The following CEP89 variants were observed in gnomAD, a reference collection of about 807,000 sequenced individuals.
CEP89 encodes centrosomal protein 89, also known as centrosomal protein of 89 kDa.
In CEP89, 95 loss-of-function variants were observed where a neutral mutation model predicts 97.6. The observed-to-expected ratio is 0.97, with a 90% CI of 0.82 to 1.15. The LOEUF is 1.15. CEP89 is among the 50% of genes most tolerant of loss of function. The pLI is 0.00. For synonymous variants in CEP89, 354 were observed against 349.1 expected (o/e 1.01, Z -0.16); for missense variants, 869 against 947.7 (o/e 0.92, Z 1.09).
rs773463230 is a variant in CEP89, at chr19:32,926,953, C to A, written c.1061G>T (p.Gly354Val). The change falls in exon 10 of 19, where the codon GGC (glycine) becomes GTC (valine). Residue 354 changes from glycine (G) to valine (V), a missense_variant. Gly to Val is a moderately radical substitution (Grantham distance 109, BLOSUM62 -3). Coordinates refer to ENST00000305768, the MANE Select transcript of CEP89 (RefSeq NM_032816.5). ...SLNIEGLPSK[G>V]PIPPWLLDIK... ...ACTTACCAACCAGGGTGGTATAGGG[C>A]CCTTGGATGGGAGGCCTTCAATATT... 2.0e-5 allele frequency: 33 copies of A among 1,613,658 alleles called. No individual in the cohort carries two copies. The highest frequency in any genetic ancestry group is 1.6e-4 in the Middle Eastern group (1 of 6,082).
At chr19:32,928,272 G>A (rs1970403741) in intron 9 of CEP89, among the ~76,000 whole-genome samples, 1 of 152,020 alleles carries the variant, frequency 6.6e-6, no homozygotes, top group South Asian at 2.1e-4. Context: ...GTTTTCACTG[G>A]ATATGGAACT....
intron 5 of CEP89, among the ~76,000 whole-genome samples, chr19:32,943,201 T>C (rs1449433754): frequency 6.6e-6 from 1 of 152,242 alleles, no homozygotes; most frequent in African/African-American, 2.4e-5. Context: ...CTCCCTGTGT[T>C]GCCCAGGCTG....
At chr19:32,911,574 C>G (rs1970001394) in intron 14 of CEP89, among the ~76,000 whole-genome samples, 1 of 152,150 alleles carries the variant, frequency 6.6e-6, no homozygotes, top group African/African-American at 2.4e-5. Context: ...ATAGCTTGAG[C>G]CTAGGAGGTG....
intron 13 of CEP89, 70 bp downstream of exon 13, chr19:32,918,154 A>G: frequency 7.9e-7 from 1 of 1,271,580 alleles, no homozygotes; most frequent in Non-Finnish European, 1.1e-6. Context: ...CCCCGGCAGG[A>G]GAGAGATAGA....
At chr19:32,923,584 C>T (rs546707408) in intron 11 of CEP89, 42 bp from the exon 12 acceptor site, 27 of 1,204,076 alleles carry the variant, frequency 2.2e-5, no homozygotes, top group South Asian at 1.5e-4. Flanking sequence ...CACATACCCA[C>T]GCATCTATAT....
chr19:32,959,530 G>C (rs891076579), intron 3 of CEP89, among the ~76,000 whole-genome samples: 1 of 152,308 alleles, frequency 6.6e-6, no homozygotes, highest in African/African-American at 2.4e-5. Context: ...GAGAGGTAAG[G>C]AGGGACCACT....
In CEP89 at chr19:32,971,930, C is replaced by T. The variant is rs8109774; in HGVS notation, c.-56G>A. 819 of 1,549,352 alleles carry T rather than the reference C, an allele frequency of 5.3e-4. 5 individuals carry two copies. In the African/African-American group the frequency reaches 0.01, roughly 19 times the overall value. On this transcript the variant is annotated 5_prime_UTR_variant, in exon 1 of 19. In the 5' UTR this introduces an upstream ATG that the reference lacks. Transcript: ENST00000305768. ...CTGGACTCATCAGCAGATCTATCCA[C>T]AGCCAGGGACCACTCCCTAAAGCCC... is the stretch of plus-strand genomic sequence containing the variant.
chr19:32,944,570 A>C (rs1970756721), intron 5 of CEP89, among the ~76,000 whole-genome samples: 1 of 152,160 alleles, frequency 6.6e-6, no homozygotes, highest in Admixed American at 6.5e-5. Context: ...GAGGGAAGCC[A>C]AGCTGGAGAG....
At chr19:32,966,530 C>T in intron 1 of CEP89, 64 bp from the exon 2 acceptor site, 1 of 1,012,602 alleles carries the variant, frequency 9.9e-7, no homozygotes, top group Non-Finnish European at 1.4e-6. Flanking sequence ...AGTCTTGTCA[C>T]CACTCTCCCT....
intron 2 of CEP89, among the ~76,000 whole-genome samples, chr19:32,962,744 A>G (rs1401084077): frequency 6.6e-6 from 1 of 152,198 alleles, no homozygotes; most frequent in African/African-American, 2.4e-5. Flanking sequence ...TTGTATTGAT[A>G]CTATATAATG....
intron 17 of CEP89, 110 bp downstream of exon 17, chr19:32,887,642 A>AT: frequency 1.5e-6 from 1 of 682,010 alleles, no homozygotes. Flanking sequence ...TCTGTGGACT[A>AT]TTAGTGATGC....
In CEP89 at chr19:32,879,130, A is replaced by G. The variant is rs2145862445; in HGVS notation, c.*32T>C. 6.4e-7 allele frequency: 1 copy of G among 1,553,694 alleles called. No individual in the cohort carries two copies. The highest frequency in any genetic ancestry group is 2.2e-5 in the East Asian group (1 of 44,494). Reference sequence around the variant, plus strand: ...CTGTGTGAGGCAGACCTTTCAGGCCAGAGGAGGCTACACCACGGGCTCCCG... The same window carrying G: ...CTGTGTGAGGCAGACCTTTCAGGCCGGAGGAGGCTACACCACGGGCTCCCG... On this transcript the variant is annotated 3_prime_UTR_variant, in exon 19 of 19. Transcript: ENST00000305768.
intron 9 of CEP89, chr19:32,931,059 T>A (rs1045236305): frequency 1.2e-5 from 3 of 250,300 alleles, no homozygotes; most frequent in African/African-American, 4.5e-5. Context: ...CTAATTTTTT[T>A]AAATTTTTTA....
chr19:32,927,894 C>A (rs1362634199), intron 9 of CEP89, among the ~76,000 whole-genome samples: 1 of 143,814 alleles, frequency 7.0e-6, no homozygotes, highest in African/African-American at 2.6e-5. Flanking sequence ...TGTGAGCCAG[C>A]ACACTTGGCT....
At chr19:32,886,553 C>G (rs1568543589) in intron 17 of CEP89, among the ~76,000 whole-genome samples, 1 of 152,208 alleles carries the variant, frequency 6.6e-6, no homozygotes, top group Non-Finnish European at 1.5e-5. Context: ...ATTTCTCAAG[C>G]CTTTTCTCTT....
In CEP89 at chr19:32,879,363, T is replaced by C. The variant is rs748690415; in HGVS notation, c.2151A>G (p.Glu717=). The change falls in exon 19 of 19, where the codon GAA becomes GAG. Residue 717 remains glutamate (E), a synonymous_variant. Coordinates refer to ENST00000305768, the MANE Select transcript of CEP89 (RefSeq NM_032816.5). ...ALQQNREMEG[E]LEVIWESTFR... is the part of the protein sequence containing the mutation. ...AGGTAGATTCCCAAATAACTTCAAG[T>C]TCACCTTCCATTTCTCTGAGGGAAA... The C allele has an allele frequency of 6.2e-6, 10 of 1,613,842 alleles. No individual in the cohort carries two copies. The highest frequency in any genetic ancestry group is 3.3e-4 in the Middle Eastern group (2 of 6,084).
chr19:32,961,170 A>G (rs564004941), intron 2 of CEP89, among the ~76,000 whole-genome samples: 7 of 152,126 alleles, frequency 4.6e-5, no homozygotes, highest in Non-Finnish European at 8.8e-5. Flanking sequence ...GGAGAAACCT[A>G]TCATTCACAA....
chr19:32,939,782 G>A, intron 6 of CEP89, 75 bp downstream of exon 6: 1 of 724,228 alleles, frequency 1.4e-6, no homozygotes, highest in Non-Finnish European at 2.3e-6. Context: ...CACCAAAGTT[G>A]TTGAAAATTT....
chr19:32,894,391 C>T (rs1026447913), intron 16 of CEP89, among the ~76,000 whole-genome samples: 3 of 152,140 alleles, frequency 2.0e-5, no homozygotes, highest in African/African-American at 4.8e-5. Context: ...GGTGGTTACA[C>T]GTTCCTGATA....
Sources: allele counts gnomAD v4.1 joint callset (sites outside exome capture counted in the v4.1 genomes callset), GRCh38; gene constraint gnomAD v4.1.1; transcripts MANE v1.5; gene names NCBI Gene and HGNC (gene_info 2026-07-23, HGNC 2026-07-21).